Variants in RNF150 observed in about 807,000 individuals in gnomAD.
The protein encoded by RNF150 is ring finger protein 150.
Under a neutral mutation model 39.3 loss-of-function variants are expected in RNF150, and 24 were observed. That is an observed-to-expected ratio of 0.61 (90% confidence interval 0.44 to 0.86). RNF150 has a LOEUF of 0.86. Among genes scored for constraint, RNF150 ranks in the 40% least tolerant of loss-of-function variants. The pLI is 0.00. For synonymous variants in RNF150, 255 were observed against 227.3 expected (o/e 1.12, Z -1.10); for missense variants, 502 against 587.8 (o/e 0.85, Z 1.51).
chr4:140,891,364 G>A (rs1017693403), intron 6 of RNF150, among the ~76,000 whole-genome samples: 1 of 152,168 alleles, frequency 6.6e-6, no homozygotes, highest in Admixed American at 6.5e-5. Context: ...TAGCTCTTCT[G>A]TTCTTGCTCC....
At chr4:141,199,161 A>G (rs1424526294) in intron 1 of RNF150, among the ~76,000 whole-genome samples, 1 of 152,184 alleles carries the variant, frequency 6.6e-6, no homozygotes, top group Non-Finnish European at 1.5e-5. Context: ...GCACATTAAA[A>G]CCTGAGACAC....
chr4:141,193,640 C>T (rs1728152184), intron 1 of RNF150, among the ~76,000 whole-genome samples: 1 of 152,076 alleles, frequency 6.6e-6, no homozygotes, highest in Admixed American at 6.6e-5. Context: ...ACATCTTCTG[C>T]CTCCACCTGC....
At chr4:141,045,523 T>G (rs1169179707) in intron 1 of RNF150, among the ~76,000 whole-genome samples, 1 of 151,952 alleles carries the variant, frequency 6.6e-6, no homozygotes, top group Non-Finnish European at 1.5e-5. Context: ...AACACATTCT[T>G]TTTTTATTTT....
At chr4:141,066,424 C>G (rs532663553) in intron 1 of RNF150, among the ~76,000 whole-genome samples, 1 of 151,890 alleles carries the variant, frequency 6.6e-6, no homozygotes, top group East Asian at 1.9e-4. Context: ...AAATTAGACA[C>G]TGAAGCCTAA....
chr4:141,064,820 C>T (rs768294063), intron 1 of RNF150, among the ~76,000 whole-genome samples: 16 of 152,164 alleles, frequency 1.1e-4, no homozygotes, highest in Non-Finnish European at 2.2e-4. Context: ...TTTGACACTA[C>T]GATGTAGCTT....
At chr4:140,903,209 C>T (rs1032395802) in intron 6 of RNF150, among the ~76,000 whole-genome samples, 2 of 152,206 alleles carry the variant, frequency 1.3e-5, no homozygotes, top group Admixed American at 6.5e-5. Context: ...AAATTTCCTG[C>T]CTCTGGCTAG....
intron 2 of RNF150, among the ~76,000 whole-genome samples, chr4:140,949,804 T>C (rs1356562704): frequency 6.6e-6 from 1 of 152,224 alleles, no homozygotes; most frequent in Non-Finnish European, 1.5e-5. Flanking sequence ...GATTCATTGC[T>C]TGGATATTCC....
intron 1 of RNF150, among the ~76,000 whole-genome samples, chr4:141,151,559 A>G (rs1015761569): frequency 6.6e-6 from 1 of 152,090 alleles, no homozygotes; most frequent in African/African-American, 2.4e-5. Context: ...GAAATATACT[A>G]TTTTGGCTAG....
intron 1 of RNF150, among the ~76,000 whole-genome samples, chr4:141,107,730 C>T (rs1739259842): frequency 6.6e-6 from 1 of 152,182 alleles, no homozygotes; most frequent in African/African-American, 2.4e-5. Flanking sequence ...CTACCCTCCT[C>T]TCCATATTAA....
chr4:140,976,436 G>A (rs968315752), intron 1 of RNF150, among the ~76,000 whole-genome samples: 1 of 151,852 alleles, frequency 6.6e-6, no homozygotes, highest in African/African-American at 2.4e-5. Context: ...GACCCAGCCA[G>A]TACTCGAGCC....
chr4:140,913,231 A>G (rs986951219), intron 5 of RNF150, among the ~76,000 whole-genome samples: 32 of 152,208 alleles, frequency 2.1e-4, no homozygotes, highest in African/African-American at 7.2e-4. Flanking sequence ...ACTGCACTCC[A>G]GCCTGGCGAC....
chr4:140,898,693 TCA>T (rs1448387553), intron 6 of RNF150, among the ~76,000 whole-genome samples: 2 of 152,252 alleles, frequency 1.3e-5, no homozygotes, highest in Admixed American at 6.5e-5. Context: ...TATTTTTATC[TCA>T]GTTTTTTAAC....
chr4:141,196,392 A>G (rs957757965), intron 1 of RNF150, among the ~76,000 whole-genome samples: 6 of 152,124 alleles, frequency 3.9e-5, no homozygotes, highest in Non-Finnish European at 8.8e-5. Flanking sequence ...GATTCTTGAG[A>G]GGGATGATGC....
At chr4:141,094,973 T>C (rs934468794) in intron 1 of RNF150, among the ~76,000 whole-genome samples, 1 of 152,150 alleles carries the variant, frequency 6.6e-6, no homozygotes, top group African/African-American at 2.4e-5. Flanking sequence ...GAAAGAGTGC[T>C]GTTCCCACTT....
chr4:141,190,446 A>G (rs1457178587), intron 1 of RNF150, among the ~76,000 whole-genome samples: 1 of 152,198 alleles, frequency 6.6e-6, no homozygotes, highest in Non-Finnish European at 1.5e-5. Context: ...GGACATCCCT[A>G]GGAACTGAGA....
At chr4:141,152,373 A>C (rs1442318677) in intron 1 of RNF150, among the ~76,000 whole-genome samples, 2 of 152,230 alleles carry the variant, frequency 1.3e-5, no homozygotes, top group Non-Finnish European at 2.9e-5. Context: ...CAAAATAACT[A>C]GTGTTAGGAG....
chr4:141,074,246 G>C (rs1460372673), intron 1 of RNF150, among the ~76,000 whole-genome samples: 2 of 151,652 alleles, frequency 1.3e-5, no homozygotes, highest in Non-Finnish European at 2.9e-5. Flanking sequence ...CCACAATGAT[G>C]GACACACAAG....
chr4:141,043,702 G>T (rs1267157502), intron 1 of RNF150, among the ~76,000 whole-genome samples: 1 of 152,082 alleles, frequency 6.6e-6, no homozygotes, highest in Non-Finnish European at 1.5e-5. Flanking sequence ...GGTCAATTGG[G>T]TGGGATGAAT....
intron 4 of RNF150, among the ~76,000 whole-genome samples, chr4:140,929,490 C>T (rs557552271): frequency 1.8e-4 from 27 of 151,228 alleles, no homozygotes; most frequent in Middle Eastern, 3.4e-3. Context: ...CCTCAGCCTC[C>T]GGAGTAGCTG....
Sources: allele counts gnomAD v4.1 joint callset (sites outside exome capture counted in the v4.1 genomes callset), GRCh38; gene constraint gnomAD v4.1.1; transcripts MANE v1.5; gene names NCBI Gene and HGNC (gene_info 2026-07-23, HGNC 2026-07-21).